The following CFTR variants were observed in gnomAD, a reference collection of about 807,000 sequenced individuals.
CFTR encodes CF transmembrane conductance regulator.
CFTR carries 181 observed loss-of-function variants against 171.6 expected under a neutral mutation model. The ratio of observed to expected loss-of-function variants is 1.05; its 90% CI spans 0.93 to 1.19. CFTR has a LOEUF of 1.19. CFTR is among the 50% of genes most tolerant of loss of function. CFTR has a pLI of 0.00. For synonymous variants in CFTR, 583 were observed against 608.0 expected (o/e 0.96, Z 0.60); for missense variants, 1,968 against 1,734.7 (o/e 1.13, Z -2.39).
chr7:117,600,827 CAA>C lies in CFTR; in HGVS notation c.2620-1996_2620-1995del, dbSNP rs757005598. Among the ~76,000 whole-genome samples the C allele has an allele frequency of 9.2e-5, 14 of 151,978 alleles. No individual in the cohort carries two copies. In the East Asian group the frequency reaches 1.3e-3, roughly 15 times the overall value. On this transcript the variant is annotated intron_variant, in intron 15 of 26. Coordinates refer to ENST00000003084, the MANE Select transcript of CFTR (RefSeq NM_000492.4). ...ATAAACTGCATAAACTTTATAACCT[CAA>C]AACATTTTGGAAATGAAATGACAGA...
At chr7:117,660,151 A>G (rs573346877) in intron 24 of CFTR, among the ~76,000 whole-genome samples, 1 of 152,218 alleles carries the variant, frequency 6.6e-6, no homozygotes, top group East Asian at 1.9e-4. Context: ...TTTTTCCTAA[A>G]GTTCTTTATA....
chr7:117,633,944 T>C lies in CFTR; in HGVS notation c.3717+6174T>C, dbSNP rs74614761. ...TTGCATTGGTGTTCATGAAAAAATATTGGTGTGTAGTTTTTTGTGACATCT... is the reference window on the plus strand; with the variant it reads ...TTGCATTGGTGTTCATGAAAAAATACTGGTGTGTAGTTTTTTGTGACATCT... On this transcript the variant is annotated intron_variant, in intron 22 of 26. Transcript: ENST00000003084. Among the ~76,000 whole-genome samples, 975 of 152,200 alleles carry C rather than the reference T, an allele frequency of 6.4e-3. 9 individuals are homozygous for C. The highest frequency in any genetic ancestry group is 0.022 in the African/African-American group (916 of 41,552).
At chr7:117,577,663 A>G (rs1301245030) in intron 11 of CFTR, among the ~76,000 whole-genome samples, 2 of 152,158 alleles carry the variant, frequency 1.3e-5, no homozygotes, top group African/African-American at 4.8e-5. Flanking sequence ...ACATCTAACA[A>G]GAACTTACCA....
intron 11 of CFTR, among the ~76,000 whole-genome samples, chr7:117,561,359 A>G (rs182473113): frequency 6.6e-6 from 1 of 152,108 alleles, no homozygotes. Context: ...TTTGAAGTGT[A>G]CAATTCAGTG....
intron 3 of CFTR, among the ~76,000 whole-genome samples, chr7:117,518,170 A>G (rs1562886377): frequency 6.6e-6 from 1 of 151,528 alleles, no homozygotes; most frequent in Non-Finnish European, 1.5e-5. Context: ...TGTGGTTTTC[A>G]CCATTGAAAG....
At chr7:117,486,718 G>C (rs1798079708) in intron 1 of CFTR, among the ~76,000 whole-genome samples, 1 of 151,794 alleles carries the variant, frequency 6.6e-6, no homozygotes, top group Admixed American at 6.6e-5. Context: ...GATCGTAAGG[G>C]GGCTTTGTAG....
At chr7:117,641,259 A>G (rs939980622) in intron 22 of CFTR, among the ~76,000 whole-genome samples, 4 of 152,162 alleles carry the variant, frequency 2.6e-5, no homozygotes, top group African/African-American at 9.6e-5. Context: ...AAGGGTTGTT[A>G]TGTACTCTAA....
intron 10 of CFTR, among the ~76,000 whole-genome samples, chr7:117,553,094 T>G (rs1799298372): frequency 6.6e-6 from 1 of 151,790 alleles, no homozygotes; most frequent in Non-Finnish European, 1.5e-5. Context: ...GATTCAGGAG[T>G]CTCTTAGCAG....
At chr7:117,577,881 A>G (rs906240278) in intron 11 of CFTR, among the ~76,000 whole-genome samples, 1 of 152,138 alleles carries the variant, frequency 6.6e-6, no homozygotes, top group African/African-American at 2.4e-5. Flanking sequence ...TACTTTTTTG[A>G]TAAGAAGTAG....
chr7:117,658,163 T>C (rs567697487), intron 24 of CFTR, among the ~76,000 whole-genome samples: 1 of 152,200 alleles, frequency 6.6e-6, no homozygotes, highest in East Asian at 1.9e-4. Context: ...CCAGACAGCT[T>C]CTCTCCAAGA....
At chr7:117,632,118 T>A (rs1231734049) in intron 22 of CFTR, among the ~76,000 whole-genome samples, 1 of 152,180 alleles carries the variant, frequency 6.6e-6, no homozygotes, top group Non-Finnish European at 1.5e-5. Context: ...CAGCATCACC[T>A]GTACCACGTA....
Position 117,594,930 on chromosome 7 carries a change from G to T in CFTR, c.2491G>T (p.Glu831Ter), listed in dbSNP as rs397508387. 1.2e-5 allele frequency: 19 copies of T among 1,612,768 alleles called. No homozygotes were observed. The highest frequency in any genetic ancestry group is 1.4e-5 in the Non-Finnish European group (16 of 1,179,214). Reference sequence around the variant, plus strand: ...TAATAGCCATAATTCTTTTATTCAGGAGTGCTTTTTTGATGATATGGAGAG... The same window carrying T: ...TAATAGCCATAATTCTTTTATTCAGTAGTGCTTTTTTGATGATATGGAGAG... ...SEEINEEDLK[E>*]CFFDDMESIP... The change falls in exon 15 of 27, where the codon GAG becomes TAG. Residue 831 changes from glutamate (E) to a stop codon, truncating the protein, a stop_gained and splice_region_variant. Transcript: ENST00000003084. LOFTEE classifies it high-confidence loss of function.
intron 15 of CFTR, among the ~76,000 whole-genome samples, chr7:117,595,647 A>C (rs964058253): frequency 1.3e-5 from 2 of 151,926 alleles, no homozygotes; most frequent in Non-Finnish European, 2.9e-5. Context: ...ATTTTAGGAG[A>C]CTGAGTGGGG....
chr7:117,577,655 A>G (rs768332607), intron 11 of CFTR, among the ~76,000 whole-genome samples: 1 of 152,154 alleles, frequency 6.6e-6, no homozygotes, highest in Non-Finnish European at 1.5e-5. Context: ...AATACAGTAC[A>G]TCTAACAAGA....
chr7:117,609,694 C>T (rs1038590493), intron 18 of CFTR, among the ~76,000 whole-genome samples: 4 of 152,164 alleles, frequency 2.6e-5, no homozygotes, highest in African/African-American at 9.6e-5. Context: ...GACTCCAAGA[C>T]GAATGCCCAG....
At chr7:117,572,024 C>T (rs962281184) in intron 11 of CFTR, among the ~76,000 whole-genome samples, 11 of 151,888 alleles carry the variant, frequency 7.2e-5, no homozygotes, top group South Asian at 6.2e-4. Context: ...TTTTTTGAGA[C>T]GGAGTCCTGC....
chr7:117,532,355 G>A (rs1481654359), intron 4 of CFTR, among the ~76,000 whole-genome samples: 1 of 152,154 alleles, frequency 6.6e-6, no homozygotes, highest in Admixed American at 6.5e-5. Context: ...GCTTTTAAGC[G>A]ATTGGGTACA....
In CFTR at chr7:117,480,108, C is replaced by G; in HGVS notation, c.14C>G (p.Pro5Arg). 2 of 1,613,888 alleles carry G rather than the reference C, an allele frequency of 1.2e-6. No homozygotes were observed. The highest frequency in any genetic ancestry group is 1.3e-5 in the African/African-American group (1 of 74,992). The change falls in exon 1 of 27, where the codon CCT becomes CGT. Residue 5 changes from proline (P) to arginine (R), a missense_variant. Transcript: ENST00000003084. MQRS[P>R]LEKASVVSKL... ...GCCCGAGAGACCATGCAGAGGTCGC[C>G]TCTGGAAAAGGCCAGCGTTGTCTCC...
chr7:117,528,052 G>A (rs1369287244), intron 3 of CFTR, among the ~76,000 whole-genome samples: 6 of 136,426 alleles, frequency 4.4e-5, no homozygotes, highest in East Asian at 4.9e-4. Flanking sequence ...AGCCCGCATC[G>A]CCAAGTCAAT....
Sources: gnomAD v4.1 joint callset for allele counts (sites outside exome capture counted in the v4.1 genomes callset) on GRCh38, gnomAD v4.1.1 for gene constraint, MANE v1.5 for transcripts, NCBI Gene and HGNC (gene_info 2026-07-23, HGNC 2026-07-21) for gene names.